Variants in WFDC10B observed in about 807,000 individuals in gnomAD.
WFDC10B encodes WAP four-disulfide core domain 10B.
Under a neutral mutation model 2.7 loss-of-function variants are expected in WFDC10B, and 1 was observed. The ratio of observed to expected loss-of-function variants is 0.38; its 90% CI spans 0.13 to 1.79. The LOEUF (loss-of-function observed/expected upper bound fraction) is 1.79, where lower values mean the gene tolerates loss of function less well. Ranked by LOEUF, WFDC10B falls within the 40% of genes most tolerant of loss-of-function variation. The pLI is 0.33. For missense variants in WFDC10B, 71 were observed against 87.8 expected (o/e 0.81, Z 0.76); for synonymous variants, 26 against 32.2 (o/e 0.81, Z 0.65).
chr20:45,695,079 C>A (rs983866232), intron 2 of WFDC10B, among the ~76,000 whole-genome samples: 1 of 152,116 alleles, frequency 6.6e-6, no homozygotes, highest in Non-Finnish European at 1.5e-5. Flanking sequence ...TAAAGTGTTT[C>A]CTGAGTTCTG....
intron 2 of WFDC10B, among the ~76,000 whole-genome samples, chr20:45,687,254 A>T (rs910451153): frequency 6.6e-6 from 1 of 150,784 alleles, no homozygotes; most frequent in African/African-American, 2.4e-5. Context: ...GGGTGTTTGA[A>T]CATGGGGTGT....
intron 2 of WFDC10B, among the ~76,000 whole-genome samples, chr20:45,693,158 G>C (rs937644914): frequency 3.3e-5 from 5 of 152,170 alleles, no homozygotes; most frequent in Non-Finnish European, 7.4e-5. Context: ...CGTGAACCGC[G>C]AATGCTACTG....
At chr20:45,699,720 C>T (rs1331270390) in intron 2 of WFDC10B, among the ~76,000 whole-genome samples, 1 of 152,158 alleles carries the variant, frequency 6.6e-6, no homozygotes, top group African/African-American at 2.4e-5. Flanking sequence ...GCTCTGTCAC[C>T]CAGGCTGGAG....
Position 45,686,071 on chromosome 20 carries a change from G to C in WFDC10B, c.-64-15C>G, listed in dbSNP as rs1983606988. 1 of 1,552,218 alleles carries C rather than the reference G, an allele frequency of 6.4e-7. No individual in the cohort carries two copies. The highest frequency in any genetic ancestry group is 8.7e-7 in the Non-Finnish European group (1 of 1,146,580). The stretch of plus-strand genomic sequence containing the variant: ...TGCAGAGCTGCCTGTGGAGAGGGAA[G>C]GAAATAAAGAAGGAATGATCTTCAG... On this transcript the variant is annotated splice_polypyrimidine_tract_variant and intron_variant, in intron 2 of 3. Transcript: ENST00000330523.
intron 2 of WFDC10B, among the ~76,000 whole-genome samples, chr20:45,689,236 T>C (rs1182104828): frequency 4.0e-5 from 6 of 151,718 alleles, no homozygotes; most frequent in Non-Finnish European, 2.9e-5. Context: ...CTGTTTTGGT[T>C]ACTGTAGCCT....
chr20:45,690,624 T>G (rs200565439), intron 2 of WFDC10B, among the ~76,000 whole-genome samples: 2 of 152,050 alleles, frequency 1.3e-5, no homozygotes, highest in African/African-American at 4.8e-5. Flanking sequence ...TAGTTTATTT[T>G]CGTAGAGGTG....
intron 2 of WFDC10B, among the ~76,000 whole-genome samples, chr20:45,699,183 T>C (rs1466924985): frequency 6.6e-6 from 1 of 152,144 alleles, no homozygotes; most frequent in Non-Finnish European, 1.5e-5. Flanking sequence ...GATAGAAGTA[T>C]TAAATTGTTC....
chr20:45,702,028 C>CCA (rs1294770776), intron 2 of WFDC10B: 1 of 1,169,988 alleles, frequency 8.5e-7, no homozygotes, highest in East Asian at 2.6e-5. Flanking sequence ...CACTGGGCCT[C>CCA]CACTTTGCCC....
At chr20:45,700,364 C>T (rs556594867) in intron 2 of WFDC10B, among the ~76,000 whole-genome samples, 1 of 152,216 alleles carries the variant, frequency 6.6e-6, no homozygotes, top group East Asian at 1.9e-4. Context: ...ATGAAGTCAG[C>T]ATAAACTTGC....
intron 2 of WFDC10B, among the ~76,000 whole-genome samples, chr20:45,694,861 A>G (rs976788278): frequency 1.3e-5 from 2 of 152,166 alleles, no homozygotes; most frequent in African/African-American, 4.8e-5. Context: ...GAAGTTAAAG[A>G]AGGAAGGAGT....
intron 2 of WFDC10B, among the ~76,000 whole-genome samples, chr20:45,698,376 A>G (rs920808715): frequency 2.6e-5 from 4 of 152,224 alleles, no homozygotes; most frequent in African/African-American, 9.6e-5. Context: ...TGGATTGGGC[A>G]ATGGATTCTT....
chr20:45,684,763 GA>G lies in WFDC10B; in HGVS notation c.*66del. The stretch of plus-strand genomic sequence containing the variant: ...GATGATTTGATGTCCTTGTGCTTCG[GA>G]TGTGGGCACAGTCTCGGATGGAAGG... On this transcript the variant is annotated 3_prime_UTR_variant, in exon 4 of 4. Transcript: ENST00000330523. The G allele has an allele frequency of 1.3e-6, 2 of 1,580,602 alleles. No homozygotes were observed. Among genetic ancestry groups the G allele is most frequent in the South Asian group, 2.3e-5 (2 of 86,062 alleles).
At chr20:45,702,461 G>GCTCA (rs1241679918) in intron 2 of WFDC10B, among the ~76,000 whole-genome samples, 1 of 152,128 alleles carries the variant, frequency 6.6e-6, no homozygotes, top group Non-Finnish European at 1.5e-5. Context: ...TGCAGACATA[G>GCTCA]CTCACTCTTA....
chr20:45,684,743 T>C lies in WFDC10B; in HGVS notation c.*87A>G, dbSNP rs530821503. On this transcript the variant is annotated 3_prime_UTR_variant, in exon 4 of 4. Transcript: ENST00000330523. The stretch of plus-strand genomic sequence containing the variant: ...CCTGTTGATGTTCTTGTGCTGATGA[T>C]TTGATGTCCTTGTGCTTCGGATGTG... The C allele has an allele frequency of 3.6e-5, 56 of 1,545,726 alleles. No individual in the cohort carries two copies. In the East Asian group the frequency reaches 9.6e-4, roughly 27 times the overall value.
At chr20:45,685,434 GC>G (rs548565248) in intron 3 of WFDC10B, among the ~76,000 whole-genome samples, 264 of 151,894 alleles carry the variant, frequency 1.7e-3, no homozygotes, top group African/African-American at 6.0e-3. Flanking sequence ...CACTCTCCTG[GC>G]TCCTTTGATG....
intron 2 of WFDC10B, among the ~76,000 whole-genome samples, chr20:45,694,143 C>T (rs1025571863): frequency 4.9e-4 from 75 of 152,308 alleles, no homozygotes; most frequent in African/African-American, 9.9e-4. Flanking sequence ...TAATTAGATG[C>T]CATTTGTCAA....
chr20:45,700,347 A>C (rs1025447793), intron 2 of WFDC10B, among the ~76,000 whole-genome samples: 19 of 152,218 alleles, frequency 1.2e-4, no homozygotes, highest in Admixed American at 3.3e-4. Flanking sequence ...GCTACTCAGC[A>C]CATCCTATGA....
intron 2 of WFDC10B, 76 bp from the exon 3 acceptor site, chr20:45,686,132 G>C: frequency 6.9e-7 from 1 of 1,455,994 alleles, no homozygotes; most frequent in Non-Finnish European, 9.1e-7. Context: ...TCAGGGCAGA[G>C]CAAGAGTCCT....
chr20:45,684,899 G>T lies in WFDC10B; in HGVS notation c.153C>A (p.Phe51Leu). The T allele has an allele frequency of 2.5e-6, 4 of 1,614,032 alleles. No individual in the cohort carries two copies. The highest frequency in any genetic ancestry group is 2.5e-6 in the Non-Finnish European group (3 of 1,179,976). The change falls in exon 4 of 4, where the codon TTC (phenylalanine) becomes TTA (leucine). Residue 51 changes from phenylalanine to leucine, a missense_variant. Coordinates refer to ENST00000330523, the MANE Select transcript of WFDC10B (RefSeq NM_172006.2). ...ATATCTTATTTGTTTCACACTTTTG[G>T]AAATATGAACAGTGGTGGATGCATA... ...IDLCIHHCSY[F>L]QKCETNKICC...
Sources: allele counts gnomAD v4.1 joint callset (sites outside exome capture counted in the v4.1 genomes callset), GRCh38; gene constraint gnomAD v4.1.1; transcripts MANE v1.5; gene names NCBI Gene and HGNC (gene_info 2026-07-23, HGNC 2026-07-21).